WDR54: variants seen among roughly 807,000 people sequenced by gnomAD.
The protein encoded by WDR54 is WD repeat domain 54, also known as WD repeat-containing protein 54.
A neutral mutation model predicts 44.1 loss-of-function variants in WDR54; 44 were observed. The observed-to-expected ratio is 1.00, with a 90% CI of 0.78 to 1.28. The LOEUF is 1.28. Ranked by LOEUF, WDR54 falls within the 50% of genes most tolerant of loss-of-function variation. The pLI is 0.00. For missense variants in WDR54, 409 were observed against 429.7 expected (o/e 0.95, Z 0.43); for synonymous variants, 169 against 169.8 (o/e 1.00, Z 0.04).
chr2:74,425,331 C>T (rs986200786), intron 8 of WDR54, 86 bp from the exon 9 acceptor site: 3 of 1,586,174 alleles, frequency 1.9e-6, no homozygotes, highest in Middle Eastern at 3.5e-4. Context: ...CAGTGTAGCC[C>T]CCTCCCCTGG....
intron 6 of WDR54, among the ~76,000 whole-genome samples, chr2:74,424,490 A>G (rs1670266398): frequency 6.6e-6 from 1 of 152,200 alleles, no homozygotes; most frequent in Non-Finnish European, 1.5e-5. Context: ...GGCTAGGCCC[A>G]TAGGTTGTGT....
intron 4 of WDR54, 34 bp from the exon 5 acceptor site, chr2:74,423,444 G>A: frequency 6.2e-7 from 1 of 1,614,016 alleles, no homozygotes; most frequent in South Asian, 1.1e-5. Context: ...TGCAGGAGGG[G>A]ATATTTCTGA....
chr2:74,421,737 C>A lies in WDR54; in HGVS notation c.-81C>A, dbSNP rs1170758368. On this transcript the variant is annotated 5_prime_UTR_variant, in exon 1 of 10. Coordinates refer to ENST00000348227, the MANE Select transcript of WDR54 (RefSeq NM_032118.4). The stretch of plus-strand genomic sequence containing the variant: ...TCACCCCGCCCAAGGGCCGTGCGTA[C>A]GTGCGTCGTCTCTATGGTGGCGGCG... The A allele has an allele frequency of 8.5e-6, 5 of 589,660 alleles. No individual in the cohort carries two copies. The highest frequency in any genetic ancestry group is 1.9e-5 in the African/African-American group (1 of 51,418). The allele number at this position is 589,660 out of a possible 1,614,324, so 36.5% of individuals were successfully genotyped here. A position where few individuals can be genotyped will look rare whatever the true frequency, so the allele number is the denominator to read the frequency against.
In WDR54 at chr2:74,422,896, AGT is replaced by A. The variant is rs769254245; in HGVS notation, c.251_252del (p.Val84AlafsTer62). The A allele has an allele frequency of 2.2e-5, 36 of 1,613,554 alleles. No individual in the cohort carries two copies. Among genetic ancestry groups the A allele is most frequent in the Non-Finnish European group, 2.5e-5 (30 of 1,179,942 alleles). Reference protein sequence around the residue: ...QVHWCVLPFRVLLVLTSHRGI... With the variant: ...QVHWCVLPFRXLLVLTSHRGI... ...TCCACTGGTGTGTCCTCCCCTTCCG[AGT>A]GCTGCTGGTACTCACCTCACATCGA... On this transcript the variant is annotated frameshift_variant, in exon 3 of 10. Transcript: ENST00000348227. LOFTEE classifies it high-confidence loss of function.
In WDR54 at chr2:74,422,878, G is replaced by A. The variant is rs1670184088; in HGVS notation, c.231G>A (p.Trp77Ter). 6.2e-7 allele frequency: 1 copy of A among 1,613,770 alleles called. No homozygotes were observed. Among genetic ancestry groups the A allele is most frequent in the Non-Finnish European group, 8.5e-7 (1 of 1,179,964 alleles). ...GATGCACCTCCCTCCAGGTCCACTG[G>A]TGTGTCCTCCCCTTCCGAGTGCTGC... ...VSPPLITQVH[W>*]CVLPFRVLLV... The change falls in exon 3 of 10, where the codon TGG becomes TGA. Residue 77 changes from tryptophan to a stop codon, truncating the protein, a stop_gained. Coordinates refer to ENST00000348227, the MANE Select transcript of WDR54 (RefSeq NM_032118.4). LOFTEE classifies it high-confidence loss of function.
At position 74,422,493 on chromosome 2, in the gene WDR54, C is replaced by A. The variant is rs1005743830; in HGVS notation, c.222+118C>A. 1.2e-5 allele frequency: 15 copies of A among 1,226,178 alleles called. No homozygotes were observed. In the African/African-American group the frequency reaches 1.5e-4, roughly 12 times the overall value. The allele number at this position is 1,226,178 out of a possible 1,614,324, so 76.0% of individuals were successfully genotyped here. ...CAGAATCTCCCCAGGCATGTCCTAA[C>A]CTCAGAATCTCCCCTCTCCTGCCGG... On this transcript the variant is annotated intron_variant, in intron 2 of 9. Transcript: ENST00000348227.
intron 5 of WDR54, 93 bp downstream of exon 5, chr2:74,423,624 T>C: frequency 6.5e-7 from 1 of 1,544,178 alleles, no homozygotes; most frequent in East Asian, 2.3e-5. Flanking sequence ...TGTGGAAAGT[T>C]AGAGGGAAGG....
intron 5 of WDR54, 122 bp from the exon 6 acceptor site, chr2:74,423,733 G>T: frequency 1.3e-6 from 2 of 1,492,566 alleles, no homozygotes; most frequent in South Asian, 2.5e-5. Flanking sequence ...GGGCATGGCC[G>T]TTGGAGCAGT....
At position 74,423,399 on chromosome 2, in the gene WDR54, C is replaced by T. The variant is rs766896181; in HGVS notation, c.352+14C>T. 1.9e-6 allele frequency: 3 copies of T among 1,614,136 alleles called. No homozygotes were observed. The South Asian group carries it at 3.3e-5, about 18-fold the overall frequency. On this transcript the variant is annotated intron_variant, in intron 4 of 9. Transcript: ENST00000348227. Reference sequence around the variant, plus strand: ...ATGCCTCCCCAGGTACCTGCAGGACCAAGTGGGGTGGGGGCAGGGAGTGTT... The same window carrying T: ...ATGCCTCCCCAGGTACCTGCAGGACTAAGTGGGGTGGGGGCAGGGAGTGTT...
intron 6 of WDR54, 132 bp downstream of exon 6, chr2:74,424,114 C>A: frequency 1.8e-6 from 2 of 1,086,328 alleles, no homozygotes; most frequent in Non-Finnish European, 1.3e-6. Context: ...TAGTCTTCAG[C>A]AACCAGGTTC....
Position 74,422,230 on chromosome 2 carries a change from T to C in WDR54, c.77T>C (p.Leu26Pro). The change falls in exon 2 of 10, where the codon CTG becomes CCG. Residue 26 changes from leucine to proline, a missense_variant. By Grantham distance (98) the Leu-to-Pro change is moderately conservative (BLOSUM62 -3). Coordinates refer to ENST00000348227, the MANE Select transcript of WDR54 (RefSeq NM_032118.4). ...ALCNNLSVLQLPARNLTYFGV... is the reference protein window; with the variant it reads ...ALCNNLSVLQPPARNLTYFGV... The stretch of plus-strand genomic sequence containing the variant: ...TGCAACAACCTCAGTGTGCTGCAGC[T>C]GCCGGCTCGCAACCTCACGTATTTT... 6.2e-7 allele frequency: 1 copy of C among 1,614,188 alleles called. No individual in the cohort carries two copies. Among genetic ancestry groups the C allele is most frequent in the African/African-American group, 1.3e-5 (1 of 75,068 alleles).
chr2:74,423,046 C>A, intron 3 of WDR54, 114 bp downstream of exon 3: 1 of 1,112,364 alleles, frequency 9.0e-7, no homozygotes, highest in Non-Finnish European at 1.3e-6. Context: ...ATGCTTGGCC[C>A]ACTCACTCTT....
Position 74,425,080 on chromosome 2 carries a change from C to T in WDR54, c.641C>T (p.Pro214Leu), listed in dbSNP as rs187456631. Residue 214 changes from proline (P) to leucine (L), a missense_variant, in exon 8 of 10, where the codon CCG becomes CTG. By Grantham distance (98) the Pro-to-Leu change is moderately conservative. Transcript: ENST00000348227. ...LLTRIPGFGV[P>L]CPSVQLWQGI... is the part of the protein sequence containing the mutation. ...GTTGGGTGTCACCCTTGCAGAGTTC[C>T]GTGCCCCTCTGTGCAGCTGTGGCAG... 7.8e-5 allele frequency: 125 copies of T among 1,605,816 alleles called. No homozygotes were observed. The East Asian group carries it at 2.5e-3, about 32-fold the overall frequency.
rs200554463 is a variant in WDR54, at chr2:74,423,308, C to T, written c.286-11C>T. On this transcript the variant is annotated splice_polypyrimidine_tract_variant and intron_variant, in intron 3 of 9. Coordinates refer to ENST00000348227, the MANE Select transcript of WDR54 (RefSeq NM_032118.4). ...GGGTTATGCCCCCTGGTTCTTGCCC[C>T]GGTCTTCCAGATGTACGAGTCCAAT... is the stretch of plus-strand genomic sequence containing the variant. 4.6e-5 allele frequency: 75 copies of T among 1,613,112 alleles called. No homozygotes were observed. The highest frequency in any genetic ancestry group is 3.5e-4 in the South Asian group (32 of 91,026).
At chr2:74,423,141 C>T in intron 3 of WDR54, 178 bp from the exon 4 acceptor site, 10 of 867,278 alleles carry the variant, frequency 1.2e-5, no homozygotes, top group Non-Finnish European at 1.9e-5. Flanking sequence ...AGCTGTATGT[C>T]CTTACACTAT....
intron 2 of WDR54, 162 bp from the exon 3 acceptor site, chr2:74,422,708 G>T (rs749570184): frequency 2.8e-5 from 19 of 680,564 alleles, no homozygotes; most frequent in South Asian, 2.1e-4. Flanking sequence ...CAGGAGAATC[G>T]CTTGAACCCA....
chr2:74,425,568 A>G lies in WDR54; in HGVS notation c.874-2A>G. 3 of 1,614,224 alleles carry G rather than the reference A, an allele frequency of 1.9e-6. No homozygotes were observed. Among genetic ancestry groups the G allele is most frequent in the South Asian group, 1.1e-5 (1 of 91,086 alleles). ...GCCCTGACGAGCCCTCTGCTCCCCC[A>G]GGTGGAACACTGTCATGGTGAGTGT... On this transcript the variant is annotated splice_acceptor_variant, in intron 9 of 9. Coordinates refer to ENST00000348227, the MANE Select transcript of WDR54 (RefSeq NM_032118.4). LOFTEE classifies it high-confidence loss of function.
At chr2:74,423,198 A>G in intron 3 of WDR54, 121 bp from the exon 4 acceptor site, 1 of 1,222,924 alleles carries the variant, frequency 8.2e-7, no homozygotes, top group Non-Finnish European at 1.2e-6. Context: ...TAGGATAAAA[A>G]TAGTACCTAC....
chr2:74,425,033 G>A lies in WDR54; in HGVS notation c.636-42G>A, dbSNP rs781230832. On this transcript the variant is annotated intron_variant, in intron 7 of 9. Transcript: ENST00000348227. ...GAGATAGCTTCAGGCTGGGGAGTAGGATTTGATCTGGGCAAAACAAAGTTG... is the reference window on the plus strand; with the variant it reads ...GAGATAGCTTCAGGCTGGGGAGTAGAATTTGATCTGGGCAAAACAAAGTTG... 7 of 1,613,812 alleles carry A rather than the reference G, an allele frequency of 4.3e-6. No individual in the cohort carries two copies. In the South Asian group the frequency reaches 6.6e-5, roughly 15 times the overall value.
Sources: allele counts gnomAD v4.1 joint callset (sites outside exome capture counted in the v4.1 genomes callset), GRCh38; gene constraint gnomAD v4.1.1; transcripts MANE v1.5; gene names NCBI Gene and HGNC (gene_info 2026-07-23, HGNC 2026-07-21).